Variants in VWA3A observed in about 807,000 individuals in gnomAD.
VWA3A encodes von Willebrand factor A domain containing 3A, also known as von Willebrand factor A domain-containing protein 3A.
In VWA3A, 134 loss-of-function variants were observed where a neutral mutation model predicts 160.4. The observed-to-expected ratio is 0.84, with a 90% CI of 0.73 to 0.96. VWA3A has a LOEUF of 0.96. Ranked by LOEUF, VWA3A falls within the 40% of genes least tolerant of loss-of-function variation. VWA3A has a pLI of 0.00. For synonymous variants in VWA3A, 476 were observed against 543.4 expected (o/e 0.88, Z 1.72); for missense variants, 1,310 against 1,447.9 (o/e 0.90, Z 1.55).
chr16:22,120,367 ATCT>A (rs1303848180), intron 12 of VWA3A, among the ~76,000 whole-genome samples: 2 of 152,188 alleles, frequency 1.3e-5, no homozygotes, highest in Non-Finnish European at 1.5e-5. Flanking sequence ...GTCATCATAG[ATCT>A]TCTTTCTAAA....
chr16:22,109,694 A>C (rs1357728151), intron 7 of VWA3A, 114 bp downstream of exon 7: 20 of 864,542 alleles, frequency 2.3e-5, no homozygotes, highest in Non-Finnish European at 3.7e-5. Context: ...GTGTCTTATA[A>C]AGAACAGTTC....
At chr16:22,152,847 A>C (rs1271397555) in intron 31 of VWA3A, among the ~76,000 whole-genome samples, 2 of 152,150 alleles carry the variant, frequency 1.3e-5, no homozygotes, top group African/African-American at 4.8e-5. Context: ...ACAAAATATT[A>C]GCTGAAAAGG....
At chr16:22,114,044 G>A (rs991226430) in intron 8 of VWA3A, among the ~76,000 whole-genome samples, 1 of 151,150 alleles carries the variant, frequency 6.6e-6, no homozygotes, top group Non-Finnish European at 1.5e-5. Flanking sequence ...AAAAAAGAAA[G>A]CAGCCATATA....
rs1275370577 is a variant in VWA3A, at chr16:22,092,649, C to T, written c.12C>T (p.Tyr4=). The T allele has an allele frequency of 6.4e-7, 1 of 1,550,872 alleles. No individual in the cohort carries two copies. Among genetic ancestry groups the T allele is most frequent in the Non-Finnish European group, 8.7e-7 (1 of 1,146,470 alleles). ...AGATGGAGAAATAAATGAAGAAATA[C>T]AGGTGAGGGTGAGCATCACAAGGGT... MKK[Y]RKISIGCFAM... is the part of the protein sequence containing the mutation. The change falls in exon 1 of 34, where the codon TAC becomes TAT. Residue 4 remains tyrosine, a splice_region_variant and synonymous_variant. Transcript: ENST00000389398.
Position 22,115,360 on chromosome 16 carries a change from A to G in VWA3A, c.703A>G (p.Lys235Glu), listed in dbSNP as rs2045614614. 6.3e-7 allele frequency: 1 copy of G among 1,597,842 alleles called. No individual in the cohort carries two copies. Among genetic ancestry groups the G allele is most frequent in the African/African-American group, 1.3e-5 (1 of 74,602 alleles). ...EVSASTLQEL[K>E]LWVKTLQPDG... ...GTCTCCTCCCAGCCTCCAGGAACTT[A>G]AGCTCTGGGTAAAGACGCTGCAGCC... The change falls in exon 9 of 34, where the codon AAG becomes GAG. Residue 235 changes from lysine (K) to glutamate (E), a missense_variant. Transcript: ENST00000389398.
intron 9 of VWA3A, among the ~76,000 whole-genome samples, chr16:22,115,923 A>AAGGACGGAAGGAAGG (rs1156229417): frequency 5.1e-5 from 1 of 19,560 alleles, no homozygotes; most frequent in Non-Finnish European, 6.9e-5. Context: ...GGAAGGAAGG[A>AAGGACGGAAGGAAGG]AAGGAAAGGA....
At chr16:22,150,650 G>T in intron 29 of VWA3A, 45 bp from the exon 30 acceptor site, 1 of 1,563,166 alleles carries the variant, frequency 6.4e-7, no homozygotes, top group South Asian at 1.2e-5. Context: ...TGTGTTCTGG[G>T]TGAGCCTCTC....
intron 22 of VWA3A, among the ~76,000 whole-genome samples, chr16:22,139,550 C>T (rs544528004): frequency 1.6e-3 from 238 of 152,122 alleles, no homozygotes; most frequent in African/African-American, 5.5e-3. Context: ...AGAAATTAGC[C>T]GGGTGTGGTG....
chr16:22,154,181 A>G (rs970739177), intron 31 of VWA3A, among the ~76,000 whole-genome samples: 2 of 152,134 alleles, frequency 1.3e-5, no homozygotes, highest in Non-Finnish European at 2.9e-5. Flanking sequence ...CTTATTACAC[A>G]GGAAAACAAG....
At position 22,116,832 on chromosome 16, in the gene VWA3A, T is replaced by G. The variant is rs143979988; in HGVS notation, c.889T>G (p.Phe297Val). 28,854 of 1,613,316 alleles carry G rather than the reference T, an allele frequency of 0.018. 794 individuals are homozygous for G. The highest frequency in any genetic ancestry group is 0.12 in the Admixed American group (6,948 of 60,006). The change falls in exon 10 of 34, where the codon TTC becomes GTC. Residue 297 changes from phenylalanine to valine, a missense_variant. Physicochemically the swap from Phe to Val is conservative, Grantham distance 50. Coordinates refer to ENST00000389398, the MANE Select transcript of VWA3A (RefSeq NM_173615.5). Reference protein sequence around the residue: ...STMGRDLIIHFITYRCDDQMP... With the variant: ...STMGRDLIIHVITYRCDDQMP... ...CATGGGAAGAGACCTCATCATCCAC[T>G]TCATCACCTACAGATGCGATGATCA...
chr16:22,097,225 A>G (rs1002551428), intron 2 of VWA3A, among the ~76,000 whole-genome samples: 1 of 152,026 alleles, frequency 6.6e-6, no homozygotes, highest in Non-Finnish European at 1.5e-5. Flanking sequence ...TCGGCCTCCC[A>G]AAGTGCTGGG....
At position 22,132,888 on chromosome 16, in the gene VWA3A, C is replaced by T. The variant is rs1174361395; in HGVS notation, c.1873-12C>T. On this transcript the variant is annotated splice_polypyrimidine_tract_variant and intron_variant, in intron 19 of 33. Coordinates refer to ENST00000389398, the MANE Select transcript of VWA3A (RefSeq NM_173615.5). ...CAGCTGCTGGCCCCTCCTACCTTCT[C>T]TTCCCCACCAGCCTACACTCAGTGC... 2 of 1,606,786 alleles carry T rather than the reference C, an allele frequency of 1.2e-6. No individual in the cohort carries two copies. The highest frequency in any genetic ancestry group is 2.2e-5 in the South Asian group (2 of 90,844).
At chr16:22,144,510 G>T (rs960373850) in intron 26 of VWA3A, 126 bp downstream of exon 26, 1 of 1,360,932 alleles carries the variant, frequency 7.3e-7, no homozygotes. Context: ...CCCAAAGTGG[G>T]ACTCCCCTCA....
At chr16:22,151,275 CAA>C (rs528478882) in intron 30 of VWA3A, among the ~76,000 whole-genome samples, 21 of 104,878 alleles carry the variant, frequency 2.0e-4, no homozygotes, top group East Asian at 2.2e-4. Context: ...GTGAGACTGT[CAA>C]AAAAAAAAAA....
chr16:22,148,130 T>A (rs753359077), intron 27 of VWA3A, 32 bp from the exon 28 acceptor site: 9 of 1,567,634 alleles, frequency 5.7e-6, no homozygotes, highest in African/African-American at 1.4e-5. Flanking sequence ...CCTCACTCCC[T>A]CCCTGCCTCT....
At chr16:22,127,123 T>C (rs1477908576) in intron 17 of VWA3A, among the ~76,000 whole-genome samples, 6 of 150,324 alleles carry the variant, frequency 4.0e-5, no homozygotes, top group Middle Eastern at 3.4e-3. Flanking sequence ...ATATAGTTTG[T>C]TTTTGGTTTT....
intron 19 of VWA3A, 44 bp downstream of exon 19, chr16:22,131,773 C>T: frequency 6.3e-7 from 1 of 1,579,256 alleles, no homozygotes; most frequent in Non-Finnish European, 8.6e-7. Context: ...TTTGCGACCT[C>T]ATCCGTCTTC....
intron 25 of VWA3A, 68 bp from the exon 26 acceptor site, chr16:22,144,179 A>G: frequency 6.6e-7 from 1 of 1,510,554 alleles, no homozygotes; most frequent in Non-Finnish European, 8.9e-7. Context: ...GTTCTCATAG[A>G]CCAGTCAGAT....
rs2045578632 is a variant in VWA3A at position 22,113,307 on chromosome 16, TCAGCCTCCCAAA to T, written c.690-2039_690-2028del. ...CCTGGGTTCAAGCAATCCTCCTGCCTCAGCCTCCCAAATAGCTGAGATTACAGGTGTGCTCCA... is the reference window on the plus strand; with the variant it reads ...CCTGGGTTCAAGCAATCCTCCTGCCTTAGCTGAGATTACAGGTGTGCTCCA... On this transcript the variant is annotated intron_variant, in intron 8 of 33. Coordinates refer to ENST00000389398, the MANE Select transcript of VWA3A (RefSeq NM_173615.5). 4.1e-5 allele frequency among the ~76,000 whole-genome samples: 6 copies of T among 144,728 alleles called. No individual in the cohort carries two copies. In the Admixed American group the frequency reaches 4.2e-4, roughly 10 times the overall value. The allele number at this position is 144,728 out of a possible 152,430, so 94.9% of individuals were successfully genotyped here.
Sources: gnomAD v4.1 joint callset for allele counts (sites outside exome capture counted in the v4.1 genomes callset) on GRCh38, gnomAD v4.1.1 for gene constraint, MANE v1.5 for transcripts, NCBI Gene and HGNC (gene_info 2026-07-23, HGNC 2026-07-21) for gene names.